The following GSE1 variants were observed in gnomAD, a reference collection of about 807,000 sequenced individuals.
GSE1 encodes the protein genetic suppressor element 1.
GSE1 carries 32 observed loss-of-function variants against 112.6 expected under a neutral mutation model. The observed-to-expected ratio is 0.28, with a 90% confidence interval of 0.21 to 0.38. GSE1 has a LOEUF of 0.38. Among genes scored for constraint, GSE1 ranks in the 10% least tolerant of loss-of-function variants. The pLI, the probability that GSE1 is intolerant of heterozygous loss-of-function variation, is 1.00. For synonymous variants in GSE1, 1,115 were observed against 735.6 expected (o/e 1.52, Z -8.35); for missense variants, 2,348 against 1,699.2 (o/e 1.38, Z -6.71).
At chr16:85,427,146 G>T (rs1187238588) in intron 2 of GSE1, among the ~76,000 whole-genome samples, 1 of 152,166 alleles carries the variant, frequency 6.6e-6, no homozygotes, top group African/African-American at 2.4e-5. Context: ...TCCTGGGAGT[G>T]GGACAGCAGC....
At chr16:85,510,225 G>C (rs111432952) in intron 2 of GSE1, among the ~76,000 whole-genome samples, 2,122 of 152,284 alleles carry the variant, frequency 0.014, 26 homozygotes, top group South Asian at 0.066. Flanking sequence ...TATACTCTGG[G>C]GGCTGAATTT....
chr16:85,477,811 C>T (rs993497718), intron 2 of GSE1, among the ~76,000 whole-genome samples: 13 of 151,958 alleles, frequency 8.6e-5, no homozygotes, highest in African/African-American at 2.7e-4. Context: ...CCGCCCGCCT[C>T]GGCCTCCCAA....
rs373630831 is a variant in GSE1 at position 85,668,280 on chromosome 16, G to A, written c.3271G>A (p.Gly1091Ser). ...GQQEPPTARK[G>S]PPTQELDRDS... ...GCAGGAGCCCCCCACTGCAAGGAAGGGCCCCCCAACCCAGGAGTTGGACCG... is the reference window on the plus strand; with the variant it reads ...GCAGGAGCCCCCCACTGCAAGGAAGAGCCCCCCAACCCAGGAGTTGGACCG... Residue 1091 changes from glycine to serine, a missense_variant, in exon 14 of 16, where the codon GGC becomes AGC. Transcript: ENST00000253458. 9.9e-6 allele frequency: 16 copies of A among 1,613,078 alleles called. No individual in the cohort carries two copies. Among genetic ancestry groups the A allele is most frequent in the Non-Finnish European group, 1.4e-5 (16 of 1,179,310 alleles).
intron 2 of GSE1, among the ~76,000 whole-genome samples, chr16:85,386,977 C>G (rs1223802353): frequency 6.6e-6 from 1 of 152,154 alleles, no homozygotes; most frequent in Non-Finnish European, 1.5e-5. Flanking sequence ...TCCCTGGGGC[C>G]ACGCAGCATC....
intron 1 of GSE1, among the ~76,000 whole-genome samples, chr16:85,209,111 G>A (rs1157641463): frequency 2.6e-5 from 4 of 151,842 alleles, no homozygotes; most frequent in Admixed American, 6.6e-5. Flanking sequence ...GATGGGGTTC[G>A]CTGTGTGTTG....
intron 2 of GSE1, among the ~76,000 whole-genome samples, chr16:85,476,073 G>C (rs1040278752): frequency 3.3e-5 from 5 of 152,188 alleles, no homozygotes; most frequent in African/African-American, 1.2e-4. Context: ...CGGGACGACA[G>C]TTGCGTGCCA....
At chr16:85,273,584 A>T (rs1196977139) in intron 1 of GSE1, among the ~76,000 whole-genome samples, 1 of 152,164 alleles carries the variant, frequency 6.6e-6, no homozygotes, top group Non-Finnish European at 1.5e-5. Flanking sequence ...GTCCATTCGT[A>T]TGGGATGCCC....
At chr16:85,564,642 C>T (rs986395960) in intron 1 of GSE1, among the ~76,000 whole-genome samples, 2 of 152,208 alleles carry the variant, frequency 1.3e-5, no homozygotes, top group African/African-American at 2.4e-5. Context: ...CAGCAGCACC[C>T]TCTAGGGGTG....
chr16:85,670,651 G>A (rs1001279987), intron 14 of GSE1: 25 of 166,640 alleles, frequency 1.5e-4, no homozygotes, highest in African/African-American at 5.8e-4. Context: ...TGCTTTAGGT[G>A]TACTCTGGCC....
chr16:85,608,094 C>T (rs988597484), upstream of GSE1, among the ~76,000 whole-genome samples: 2 of 152,158 alleles, frequency 1.3e-5, no homozygotes, highest in South Asian at 2.1e-4. Flanking sequence ...TGGGAAAAGC[C>T]TTCTTGCAAG....
chr16:85,408,001 C>CA (rs2048355503), intron 2 of GSE1, among the ~76,000 whole-genome samples: 1 of 57,334 alleles, frequency 1.7e-5, no homozygotes, highest in African/African-American at 7.2e-5. Context: ...ACTCAGGGCC[C>CA]CCTGGATAAT....
intron 1 of GSE1, among the ~76,000 whole-genome samples, chr16:85,207,060 C>T (rs899492363): frequency 9.9e-5 from 15 of 152,218 alleles, no homozygotes; most frequent in South Asian, 4.1e-4. Flanking sequence ...TTGGCAGGTC[C>T]GAGCGGAGGG....
At chr16:85,202,144 G>A (rs554747958) in intron 1 of GSE1, among the ~76,000 whole-genome samples, 1 of 152,194 alleles carries the variant, frequency 6.6e-6, no homozygotes, top group Non-Finnish European at 1.5e-5. Flanking sequence ...ATCAGGGCCC[G>A]GGCGGCCTGT....
chr16:85,662,679 C>G (rs962194392), intron 9 of GSE1: 24 of 403,266 alleles, frequency 6.0e-5, no homozygotes, highest in Non-Finnish European at 1.0e-4. Flanking sequence ...TGGACACAGC[C>G]CCAGGCCTGT....
At chr16:85,654,174 G>A (rs183735008) in intron 3 of GSE1, 104 bp from the exon 4 acceptor site, 216 of 1,038,720 alleles carry the variant, frequency 2.1e-4, no homozygotes, top group Admixed American at 5.5e-4. Context: ...TCTAGAACAT[G>A]AACTAAATCT....
intron 2 of GSE1, among the ~76,000 whole-genome samples, chr16:85,521,159 C>T (rs537436630): frequency 6.6e-6 from 1 of 152,304 alleles, no homozygotes; most frequent in African/African-American, 2.4e-5. Flanking sequence ...GACTCCTGAC[C>T]ACCGATTGCC....
At chr16:85,650,999 C>T (rs1424928093) in intron 3 of GSE1, among the ~76,000 whole-genome samples, 4 of 148,974 alleles carry the variant, frequency 2.7e-5, no homozygotes, top group African/African-American at 9.9e-5. Flanking sequence ...GGAACCCTTG[C>T]TCTAATCACC....
chr16:85,583,656 C>G (rs568722257), intron 1 of GSE1: 62 of 152,358 alleles, frequency 4.1e-4, no homozygotes, highest in African/African-American at 1.5e-3. Context: ...CTTCCTGCAG[C>G]ACCCCCATAT....
Position 85,666,124 on chromosome 16 carries a change from C to A in GSE1, c.2907C>A (p.Ala969=). 4 of 1,613,306 alleles carry A rather than the reference C, an allele frequency of 2.5e-6. No homozygotes were observed. Among genetic ancestry groups the A allele is most frequent in the Non-Finnish European group, 2.5e-6 (3 of 1,179,974 alleles). ...CGAGAGTCCAGGAGCTAGCTCCTGC[C>A]AGCGGGGAGAAGGCCAGGCTGAGCG... ...ELSRVQELAP[A]SGEKARLSEA... The change falls in exon 13 of 16, where the codon GCC becomes GCA. Residue 969 remains alanine (A), a synonymous_variant. Coordinates refer to ENST00000253458, the MANE Select transcript of GSE1 (RefSeq NM_014615.5).
Sources: allele counts gnomAD v4.1 joint callset (sites outside exome capture counted in the v4.1 genomes callset), GRCh38; gene constraint gnomAD v4.1.1; transcripts MANE v1.5; gene names NCBI Gene and HGNC (gene_info 2026-07-23, HGNC 2026-07-21).